CLVS1: variants seen among roughly 807,000 people sequenced by gnomAD.
CLVS1 encodes clavesin 1.
In CLVS1, 10 loss-of-function variants were observed where a neutral mutation model predicts 33.1. The ratio of observed to expected loss-of-function variants is 0.30; its 90% CI spans 0.19 to 0.51. The LOEUF is 0.51. CLVS1 is among the 20% of genes least tolerant of loss of function. The probability of loss-of-function intolerance (pLI) is 0.97; values close to 1 mark genes in which losing one functional copy is unlikely to be tolerated. For synonymous variants in CLVS1, 163 were observed against 166.1 expected (o/e 0.98, Z 0.14); for missense variants, 343 against 433.4 (o/e 0.79, Z 1.85).
intron 2 of CLVS1, among the ~76,000 whole-genome samples, chr8:61,176,969 C>A (rs185689158): frequency 6.2e-4 from 95 of 152,264 alleles, no homozygotes; most frequent in Middle Eastern, 3.4e-3. Context: ...GCCAGCACCA[C>A]AGCCCAGCTG....
chr8:61,355,850 T>G (rs2129599437), intron 2 of CLVS1, among the ~76,000 whole-genome samples: 1 of 152,354 alleles, frequency 6.6e-6, no homozygotes, highest in East Asian at 1.9e-4. Flanking sequence ...TTTTTGCTAT[T>G]GTGAATAGTG....
chr8:61,278,512 A>G (rs1018871485), intron 2 of CLVS1, among the ~76,000 whole-genome samples: 13 of 152,014 alleles, frequency 8.6e-5, no homozygotes, highest in Non-Finnish European at 1.2e-4. Context: ...GATATTCAAA[A>G]TTTTTCTGAT....
At chr8:61,403,850 T>C (rs7820685) in intron 3 of CLVS1, among the ~76,000 whole-genome samples, 91,977 of 152,076 alleles carry the variant, frequency 0.6, 30,188 homozygotes, top group Non-Finnish European at 0.73. Flanking sequence ...GGATATCTAC[T>C]TAATGCTTCC....
At chr8:61,149,585 AAG>A (rs1373052637) in intron 2 of CLVS1, among the ~76,000 whole-genome samples, 1 of 151,304 alleles carries the variant, frequency 6.6e-6, no homozygotes, top group Non-Finnish European at 1.5e-5. Flanking sequence ...ACAAAACAAA[AAG>A]AAAAAGAAAA....
At chr8:61,038,032 C>T in the CLVS1 span, among the ~76,000 whole-genome samples, 1 of 152,126 alleles carries the variant, frequency 6.6e-6, no homozygotes. Context: ...GAGAGCACAG[C>T]ACAGGAGAGT....
intron 5 of CLVS1, among the ~76,000 whole-genome samples, chr8:61,461,906 A>AAAT (rs141237932): frequency 6.6e-6 from 1 of 152,256 alleles, no homozygotes; most frequent in East Asian, 1.9e-4. Context: ...TTTAATGATA[A>AAAT]TCTTATGATG....
intron 2 of CLVS1, among the ~76,000 whole-genome samples, chr8:61,323,869 C>G (rs1260147143): frequency 1.3e-5 from 2 of 152,118 alleles, no homozygotes; most frequent in Non-Finnish European, 2.9e-5. Flanking sequence ...TATAAGCTCC[C>G]ACTTATAAGT....
intron 2 of CLVS1, among the ~76,000 whole-genome samples, chr8:61,339,004 G>T (rs2129597984): frequency 8.4e-6 from 1 of 118,508 alleles, no homozygotes; most frequent in East Asian, 5.3e-4. Context: ...ATGCATGTGA[G>T]TGTGTGCCTG....
chr8:61,020,574 C>A, the CLVS1 span, among the ~76,000 whole-genome samples: 8 of 152,348 alleles, frequency 5.3e-5, no homozygotes, highest in South Asian at 1.4e-3. Context: ...CTTTGGGGCT[C>A]AACTTCCTCT....
the CLVS1 span, among the ~76,000 whole-genome samples, chr8:61,006,788 A>G: frequency 6.6e-6 from 1 of 152,332 alleles, no homozygotes; most frequent in South Asian, 2.1e-4. Context: ...AGGAGGAGGG[A>G]AAATCCTTTG....
chr8:61,049,820 G>A, the CLVS1 span, among the ~76,000 whole-genome samples: 6 of 152,346 alleles, frequency 3.9e-5, no homozygotes, highest in East Asian at 1.2e-3. Context: ...ATTCCATAAT[G>A]AGTCTTTTTT....
At chr8:61,274,073 G>A (rs1809518358) in intron 2 of CLVS1, 1 of 152,190 alleles carries the variant, frequency 6.6e-6, no homozygotes, top group South Asian at 2.1e-4. Context: ...GAATATGTAA[G>A]TATCAGAAAT....
Position 61,474,903 on chromosome 8 carries a change from G to A in CLVS1, c.977+16361G>A, listed in dbSNP as rs144950240. Among the ~76,000 whole-genome samples the A allele has an allele frequency of 8.0e-3, 1,215 of 152,188 alleles. 11 individuals carry two copies. The highest frequency in any genetic ancestry group is 0.028 in the African/African-American group (1,161 of 41,506). On this transcript the variant is annotated intron_variant, in intron 5 of 5. Transcript: ENST00000325897. ...GTTGGTGTGCTGCACCCGTTAACTC[G>A]TCATTTAGCATTAGGTATATCTCCT...
intron 2 of CLVS1, among the ~76,000 whole-genome samples, chr8:61,354,705 G>A (rs1025780871): frequency 1.3e-5 from 2 of 152,136 alleles, no homozygotes; most frequent in African/African-American, 2.4e-5. Context: ...ATGTAATTAT[G>A]TTGACTAAAA....
chr8:61,489,037 A>G (rs1586050257), intron 5 of CLVS1, among the ~76,000 whole-genome samples: 2 of 152,342 alleles, frequency 1.3e-5, no homozygotes, highest in East Asian at 3.8e-4. Context: ...CATTTAGAAG[A>G]CAGGATCTTG....
upstream of CLVS1, among the ~76,000 whole-genome samples, chr8:61,287,433 TTA>T (rs1176152581): frequency 6.6e-6 from 1 of 152,220 alleles, no homozygotes; most frequent in Non-Finnish European, 1.5e-5. Context: ...TTTACTTTTT[TTA>T]TATTCTGACA....
In CLVS1 at chr8:61,458,485, A is replaced by T; in HGVS notation, c.920A>T (p.His307Leu). 6.2e-7 allele frequency: 1 copy of T among 1,613,978 alleles called. No homozygotes were observed. The highest frequency in any genetic ancestry group is 8.5e-7 in the Non-Finnish European group (1 of 1,179,954). The part of the protein sequence containing the change: ...DYTHTSYNAM[H>L]VKHTSSNLER... ...ACTCACACATCCTATAATGCAATGC[A>T]CGTGAAGCATACGTCCTCGAATCTG... Residue 307 changes from histidine (H) to leucine (L), a missense_variant, in exon 5 of 6, where the codon CAC (histidine) becomes CTC (leucine). Physicochemically the swap from His to Leu is moderately conservative, Grantham distance 99. Around this residue, in one of 4 missense-constraint regions of CLVS1, gnomAD observed 86 missense variants for 95.0 expected, o/e 0.91. Transcript: ENST00000325897.
At chr8:61,444,138 G>A (rs1348281496) in intron 3 of CLVS1, among the ~76,000 whole-genome samples, 1 of 152,078 alleles carries the variant, frequency 6.6e-6, no homozygotes, top group East Asian at 1.9e-4. Context: ...TAGATTCCTT[G>A]GGATTTTTTA....
chr8:60,985,798 C>T, the CLVS1 span, among the ~76,000 whole-genome samples: 1 of 138,240 alleles, frequency 7.2e-6, no homozygotes, highest in Non-Finnish European at 1.5e-5. Flanking sequence ...TAGAGGGCTG[C>T]TGTGAAAAAA....
Sources: allele counts gnomAD v4.1 joint callset (sites outside exome capture counted in the v4.1 genomes callset), GRCh38; gene constraint gnomAD v4.1.1; regional missense constraint gnomAD v4.1.1; transcripts MANE v1.5; gene names NCBI Gene and HGNC (gene_info 2026-07-23, HGNC 2026-07-21).